The following ADCY8 variants were observed in gnomAD, a reference collection of about 807,000 sequenced individuals.
ADCY8 encodes the protein adenylate cyclase 8.
Under a neutral mutation model 119.7 loss-of-function variants are expected in ADCY8, and 51 were observed. The ratio of observed to expected loss-of-function variants is 0.43; its 90% confidence interval spans 0.34 to 0.54. The LOEUF is 0.54. Ranked by LOEUF, ADCY8 falls within the 20% of genes least tolerant of loss-of-function variation. The probability of loss-of-function intolerance (pLI) is 0.03; values close to 1 mark genes in which losing one functional copy is unlikely to be tolerated. For missense variants in ADCY8, 1,383 were observed against 1,598.8 expected (o/e 0.87, Z 2.30); for synonymous variants, 665 against 651.0 (o/e 1.02, Z -0.33).
At chr8:130,915,755 A>G (rs1820106609) in intron 5 of ADCY8, among the ~76,000 whole-genome samples, 1 of 152,336 alleles carries the variant, frequency 6.6e-6, no homozygotes, top group Non-Finnish European at 1.5e-5. Flanking sequence ...TGATGAATTG[A>G]TCACTTTACC....
At chr8:131,036,286 T>C (rs1356075649) in intron 1 of ADCY8, among the ~76,000 whole-genome samples, 1 of 152,228 alleles carries the variant, frequency 6.6e-6, no homozygotes, top group Non-Finnish European at 1.5e-5. Context: ...TGTAAAATAC[T>C]GTGCAAAGTA....
At chr8:131,004,501 C>T (rs57087375) in intron 1 of ADCY8, among the ~76,000 whole-genome samples, 2 of 152,204 alleles carry the variant, frequency 1.3e-5, no homozygotes, top group African/African-American at 4.8e-5. Context: ...ATCTCTCGAC[C>T]TGTACTCTGT....
chr8:130,978,895 A>G (rs931307774), intron 2 of ADCY8, among the ~76,000 whole-genome samples: 1 of 152,136 alleles, frequency 6.6e-6, no homozygotes, highest in Non-Finnish European at 1.5e-5. Flanking sequence ...TTAGTATAGA[A>G]TTTTGATTGG....
intron 3 of ADCY8, among the ~76,000 whole-genome samples, chr8:130,944,303 T>C (rs1821045338): frequency 6.6e-6 from 1 of 152,200 alleles, no homozygotes; most frequent in East Asian, 1.9e-4. Context: ...TATCTTACCA[T>C]GTCATCTCAG....
intron 5 of ADCY8, among the ~76,000 whole-genome samples, chr8:130,927,311 T>C (rs1038403803): frequency 6.6e-6 from 1 of 152,162 alleles, no homozygotes; most frequent in Non-Finnish European, 1.5e-5. Flanking sequence ...TGATATCTCA[T>C]TGTGGTTTTT....
chr8:130,933,471 A>G (rs1445858274), intron 5 of ADCY8, among the ~76,000 whole-genome samples: 1 of 152,228 alleles, frequency 6.6e-6, no homozygotes, highest in Non-Finnish European at 1.5e-5. Context: ...ACTGGAAACT[A>G]TAGAAGTCTG....
At chr8:130,869,238 C>G (rs973935356) in intron 8 of ADCY8, among the ~76,000 whole-genome samples, 6 of 152,110 alleles carry the variant, frequency 3.9e-5, no homozygotes, top group African/African-American at 1.4e-4. Flanking sequence ...GGAGGGAAAC[C>G]AGGAACATGG....
chr8:130,936,124 C>T (rs1820780234), intron 5 of ADCY8, among the ~76,000 whole-genome samples: 1 of 143,488 alleles, frequency 7.0e-6, no homozygotes, highest in Non-Finnish European at 1.5e-5. Flanking sequence ...TCTGCCTATG[C>T]ATCCTCTTGT....
At chr8:130,887,864 ATATATTCAC>A (rs67897983) in intron 7 of ADCY8, among the ~76,000 whole-genome samples, 87,398 of 151,232 alleles carry the variant, frequency 0.58, 26,900 homozygotes, top group Non-Finnish European at 0.68. Flanking sequence ...CCATACACTG[ATATATTCAC>A]TATATTCACA....
chr8:130,933,156 G>A (rs558140305), intron 5 of ADCY8, among the ~76,000 whole-genome samples: 33 of 152,220 alleles, frequency 2.2e-4, no homozygotes, highest in Admixed American at 7.8e-4. Flanking sequence ...ATTTCTGACA[G>A]CAAATAAAGA....
intron 8 of ADCY8, among the ~76,000 whole-genome samples, chr8:130,875,714 A>C (rs907329079): frequency 2.6e-5 from 4 of 152,166 alleles, no homozygotes; most frequent in Non-Finnish European, 5.9e-5. Flanking sequence ...AGAGTTTATG[A>C]TTCATTTTTC....
At chr8:131,018,930 T>C (rs1823564905) in intron 1 of ADCY8, among the ~76,000 whole-genome samples, 1 of 152,204 alleles carries the variant, frequency 6.6e-6, no homozygotes, top group Non-Finnish European at 1.5e-5. Context: ...AGTGGAGGTC[T>C]ATTTTTGTTG....
chr8:130,967,365 A>G (rs1046910214), intron 2 of ADCY8, among the ~76,000 whole-genome samples: 2 of 152,226 alleles, frequency 1.3e-5, no homozygotes, highest in African/African-American at 4.8e-5. Context: ...GTGTCAAGCA[A>G]GCTTGAGCTG....
At chr8:130,894,658 G>T (rs1819321385) in intron 7 of ADCY8, among the ~76,000 whole-genome samples, 1 of 152,144 alleles carries the variant, frequency 6.6e-6, no homozygotes, top group Non-Finnish European at 1.5e-5. Context: ...GCTTACTGAA[G>T]ATAAGCCACT....
intron 2 of ADCY8, among the ~76,000 whole-genome samples, chr8:130,976,367 T>A (rs1033432731): frequency 7.2e-5 from 11 of 152,186 alleles, no homozygotes; most frequent in Admixed American, 4.6e-4. Flanking sequence ...ATTGTAGGTG[T>A]CGGAAGATGC....
intron 5 of ADCY8, among the ~76,000 whole-genome samples, chr8:130,934,495 C>G (rs1188275256): frequency 6.6e-6 from 1 of 152,180 alleles, no homozygotes; most frequent in Admixed American, 6.5e-5. Context: ...CATTAGGCCC[C>G]TCCTCCAACA....
chr8:130,905,639 G>A (rs898758024), intron 6 of ADCY8, among the ~76,000 whole-genome samples: 9 of 152,092 alleles, frequency 5.9e-5, no homozygotes, highest in African/African-American at 1.7e-4. Context: ...CTGGTGAATT[G>A]CTGGAGCTCA....
At chr8:130,828,155 C>T (rs1446606299) in intron 12 of ADCY8, among the ~76,000 whole-genome samples, 3 of 152,206 alleles carry the variant, frequency 2.0e-5, no homozygotes, top group African/African-American at 7.2e-5. Flanking sequence ...CTCCAACTTT[C>T]CTATTGTAGT....
chr8:130,906,608 G>C (rs1819794787), intron 6 of ADCY8, among the ~76,000 whole-genome samples: 2 of 152,018 alleles, frequency 1.3e-5, no homozygotes, highest in Admixed American at 1.3e-4. Flanking sequence ...TGAGCTTTGG[G>C]GTAAGACATT....
Sources: gnomAD v4.1 joint callset for allele counts (sites outside exome capture counted in the v4.1 genomes callset) on GRCh38, gnomAD v4.1.1 for gene constraint, MANE v1.5 for transcripts, NCBI Gene and HGNC (gene_info 2026-07-23, HGNC 2026-07-21) for gene names.